CNTN1: variants seen among roughly 807,000 people sequenced by gnomAD.
The protein encoded by CNTN1 is contactin 1.
CNTN1 carries 38 observed loss-of-function variants against 126.4 expected under a neutral mutation model. The observed-to-expected ratio is 0.30, with a 90% confidence interval of 0.23 to 0.39. The LOEUF (loss-of-function observed/expected upper bound fraction) is 0.39. Ranked by LOEUF, CNTN1 falls within the 10% of genes least tolerant of loss-of-function variation. The pLI is 1.00. For synonymous variants in CNTN1, 413 were observed against 422.6 expected, an observed-to-expected ratio of 0.98 and a Z score of 0.28; for missense variants, 1,009 against 1,248.4, an observed-to-expected ratio of 0.81 and a Z score of 2.89.
chr12:40,938,892 G>T (rs745434655), intron 11 of CNTN1, among the ~76,000 whole-genome samples: 1 of 152,048 alleles, frequency 6.6e-6, no homozygotes, highest in Admixed American at 6.6e-5. Context: ...CTCCACCTCA[G>T]CCTCCTGGAT....
chr12:40,982,978 T>C (rs1592360513), intron 16 of CNTN1, among the ~76,000 whole-genome samples: 1 of 150,876 alleles, frequency 6.6e-6, no homozygotes, highest in African/African-American at 2.4e-5. Flanking sequence ...CATTAGGAGA[T>C]ATACCTAATG....
chr12:40,746,982 TC>T (rs1218678679), intron 1 of CNTN1, among the ~76,000 whole-genome samples: 1 of 152,040 alleles, frequency 6.6e-6, no homozygotes, highest in Non-Finnish European at 1.5e-5. Flanking sequence ...TGCCTGGCCA[TC>T]ACCTGATGGT....
intron 1 of CNTN1, among the ~76,000 whole-genome samples, chr12:40,817,475 C>CTTTTTTTTTTTTTTT (rs758574869): frequency 4.9e-5 from 2 of 40,732 alleles, no homozygotes; most frequent in Admixed American, 3.2e-4. Context: ...GCAACCCCTG[C>CTTTTTTTTTTTTTTT]TTTTTTTTTT....
chr12:40,891,626 C>T (rs1944242415), intron 1 of CNTN1, among the ~76,000 whole-genome samples: 2 of 152,046 alleles, frequency 1.3e-5, no homozygotes, highest in Non-Finnish European at 1.5e-5. Context: ...TATTTTAACA[C>T]AATTTGTTGA....
Position 41,027,846 on chromosome 12 carries a change from A to G in CNTN1, c.2711-11A>G, listed in dbSNP as rs1352828454. 3.2e-6 allele frequency: 5 copies of G among 1,551,984 alleles called. No homozygotes were observed. In the Admixed American group the frequency reaches 5.0e-5, roughly 16 times the overall value. On this transcript the variant is annotated splice_polypyrimidine_tract_variant and intron_variant, in intron 21 of 23. Transcript: ENST00000551295. ...TAGTGACCACTGATTGCATATTACT[A>G]CTTTTCACAGCTCCTAGCCAGCCTC... is the stretch of plus-strand genomic sequence containing the variant.
At chr12:40,758,971 C>T (rs1288651894) in intron 1 of CNTN1, among the ~76,000 whole-genome samples, 1 of 152,020 alleles carries the variant, frequency 6.6e-6, no homozygotes, top group Non-Finnish European at 1.5e-5. Flanking sequence ...ATGGCCCGAC[C>T]TCAGCTCACT....
chr12:40,900,264 T>C (rs1361606018), intron 1 of CNTN1, among the ~76,000 whole-genome samples: 1 of 152,218 alleles, frequency 6.6e-6, no homozygotes, highest in East Asian at 1.9e-4. Context: ...ATAGTGAAAC[T>C]TTATTTGTGA....
intron 1 of CNTN1, among the ~76,000 whole-genome samples, chr12:40,738,834 G>A (rs1297185046): frequency 2.0e-5 from 3 of 152,076 alleles, no homozygotes; most frequent in African/African-American, 7.2e-5. Flanking sequence ...GCAGTGGAGA[G>A]TTGTACCTGT....
chr12:40,849,399 C>G (rs1228456217), intron 1 of CNTN1, among the ~76,000 whole-genome samples: 2 of 152,038 alleles, frequency 1.3e-5, no homozygotes, highest in Non-Finnish European at 2.9e-5. Context: ...GTAATAAATA[C>G]ATTAATGACT....
intron 1 of CNTN1, among the ~76,000 whole-genome samples, chr12:40,892,967 A>G (rs986674612): frequency 1.4e-5 from 2 of 141,082 alleles, no homozygotes; most frequent in East Asian, 2.0e-4. Context: ...GGGGGGGTGA[A>G]TAAACAAATA....
chr12:40,851,542 A>T (rs1942714917), intron 1 of CNTN1, among the ~76,000 whole-genome samples: 1 of 152,208 alleles, frequency 6.6e-6, no homozygotes, highest in African/African-American at 2.4e-5. Flanking sequence ...CTAGAGAATT[A>T]TATGCTCATT....
chr12:40,769,794 G>A (rs1417328803), intron 1 of CNTN1, among the ~76,000 whole-genome samples: 1 of 151,962 alleles, frequency 6.6e-6, no homozygotes, highest in Non-Finnish European at 1.5e-5. Context: ...TCCTGGCCCT[G>A]TACTGTTTAG....
intron 1 of CNTN1, among the ~76,000 whole-genome samples, chr12:40,809,814 T>TCTCA (rs1422228531): frequency 1.4e-5 from 2 of 146,744 alleles, no homozygotes; most frequent in African/African-American, 5.1e-5. Flanking sequence ...AGACTCTGTC[T>TCTCA]CACACACACA....
chr12:41,017,291 G>A (rs1298185469), intron 19 of CNTN1, among the ~76,000 whole-genome samples: 1 of 151,218 alleles, frequency 6.6e-6, no homozygotes, highest in African/African-American at 2.4e-5. Context: ...CTATAATATG[G>A]CCGGGCGTGG....
intron 1 of CNTN1, among the ~76,000 whole-genome samples, chr12:40,871,351 A>G (rs1943487740): frequency 6.6e-6 from 1 of 152,004 alleles, no homozygotes; most frequent in African/African-American, 2.4e-5. Flanking sequence ...TCATTGTATG[A>G]CTCTAGGGAG....
intron 1 of CNTN1, among the ~76,000 whole-genome samples, chr12:40,703,430 C>G (rs1941651186): frequency 2.0e-5 from 3 of 152,178 alleles, no homozygotes; most frequent in Admixed American, 2.0e-4. Flanking sequence ...AGATTTAAAT[C>G]TATATTCTGG....
chr12:40,801,972 G>A (rs980027116), intron 1 of CNTN1, among the ~76,000 whole-genome samples: 3 of 151,746 alleles, frequency 2.0e-5, no homozygotes, highest in African/African-American at 7.3e-5. Flanking sequence ...AAAAAAAGTA[G>A]ATGGAAGATG....
intron 1 of CNTN1, among the ~76,000 whole-genome samples, chr12:40,833,269 AT>A (rs1374722778): frequency 1.3e-5 from 2 of 151,672 alleles, no homozygotes; most frequent in Non-Finnish European, 2.9e-5. Context: ...TAATTTTTGT[AT>A]TTTTTAGTAG....
chr12:40,734,166 A>G (rs1256113315), intron 1 of CNTN1, among the ~76,000 whole-genome samples: 1 of 152,110 alleles, frequency 6.6e-6, no homozygotes, highest in Non-Finnish European at 1.5e-5. Context: ...ATTGCTGTCA[A>G]TTCAGATCTA....
Sources: allele counts gnomAD v4.1 joint callset (sites outside exome capture counted in the v4.1 genomes callset), GRCh38; gene constraint gnomAD v4.1.1; transcripts MANE v1.5; gene names NCBI Gene and HGNC (gene_info 2026-07-23, HGNC 2026-07-21).